Variants in GAPVD1 observed in about 807,000 individuals in gnomAD.
GAPVD1 encodes GTPase activating protein and VPS9 domains 1, also known as GTPase-activating protein and VPS9 domain-containing protein 1.
A neutral mutation model predicts 155.5 loss-of-function variants in GAPVD1; 35 were observed. The observed-to-expected ratio is 0.23, with a 90% CI of 0.17 to 0.30. The LOEUF is 0.30. Ranked by LOEUF, GAPVD1 falls within the 10% of genes least tolerant of loss-of-function variation. The pLI, the probability that GAPVD1 is intolerant of heterozygous loss-of-function variation, is 1.00. For synonymous variants in GAPVD1, 636 were observed against 619.7 expected, an observed-to-expected ratio of 1.03 and a Z score of -0.39; for missense variants, 1,429 against 1,775.7, an observed-to-expected ratio of 0.80 and a Z score of 3.51.
chr9:125,321,641 T>A, intron 10 of GAPVD1, 79 bp downstream of exon 10: 2 of 1,287,802 alleles, frequency 1.6e-6, no homozygotes, highest in Non-Finnish European at 2.2e-6. Context: ...GCTTATAAAT[T>A]ATAATTATAC....
rs776841361 is a variant in GAPVD1 at position 125,312,457 on chromosome 9, C to T, written c.1447C>T (p.Arg483Trp). ...NKKNRLPIAT[R>W]SRSRTNMLMD... Reference sequence around the variant, plus strand: ...TATTTGAAATTTTTTATTAGCAACTCGGAGCAGAAGCCGCACCAATATGCT... The same window carrying T: ...TATTTGAAATTTTTTATTAGCAACTTGGAGCAGAAGCCGCACCAATATGCT... The change falls in exon 9 of 28, where the codon CGG becomes TGG. Residue 483 changes from arginine (R) to tryptophan (W), a missense_variant. Coordinates refer to ENST00000297933, the MANE Select transcript of GAPVD1 (RefSeq NM_001282680.3). 9.5e-6 allele frequency: 15 copies of T among 1,575,034 alleles called. No individual in the cohort carries two copies. Among genetic ancestry groups the T allele is most frequent in the Middle Eastern group, 1.7e-4 (1 of 6,016 alleles).
intron 6 of GAPVD1, 120 bp from the exon 7 acceptor site, chr9:125,307,293 T>C: frequency 1.6e-6 from 1 of 643,564 alleles, no homozygotes; most frequent in Middle Eastern, 3.1e-4. Context: ...AAATTCAACA[T>C]CTTAAAAAAA....
intron 9 of GAPVD1, among the ~76,000 whole-genome samples, chr9:125,317,664 AATGGCCTTG>A (rs1317180437): frequency 2.6e-5 from 4 of 151,746 alleles, no homozygotes; most frequent in Non-Finnish European, 4.4e-5. Context: ...AAAGAAAGAA[AATGGCCTTG>A]ATGAAGCACA....
At chr9:125,326,390 A>T (rs1845183532) in intron 11 of GAPVD1, 26 bp from the exon 12 acceptor site, 5 of 1,539,386 alleles carry the variant, frequency 3.2e-6, no homozygotes, top group Non-Finnish European at 3.6e-6. Context: ...TACTATTTTA[A>T]AAGTGCTTAA....
intron 2 of GAPVD1, among the ~76,000 whole-genome samples, chr9:125,275,710 C>A (rs1188520974): frequency 6.6e-6 from 1 of 152,120 alleles, no homozygotes; most frequent in Non-Finnish European, 1.5e-5. Context: ...AAGCTGTGAT[C>A]TAGCCACTGC....
At chr9:125,292,146 A>T (rs1362596551) in intron 2 of GAPVD1, among the ~76,000 whole-genome samples, 1 of 152,016 alleles carries the variant, frequency 6.6e-6, no homozygotes, top group Non-Finnish European at 1.5e-5. Flanking sequence ...CGGAGGTGAG[A>T]GGATTGCTTG....
At position 125,269,511 on chromosome 9, in the gene GAPVD1, T is replaced by A. The variant is rs182856270; in HGVS notation, c.-150+527T>A. On this transcript the variant is annotated intron_variant, in intron 2 of 27. Coordinates refer to ENST00000297933, the MANE Select transcript of GAPVD1 (RefSeq NM_001282680.3). Reference sequence around the variant, plus strand: ...TTTTTGTTCTTGTTTTTTTTTTGAGTTGGAGTCTCGTTCTGTCGCCCAGGC... The same window carrying A: ...TTTTTGTTCTTGTTTTTTTTTTGAGATGGAGTCTCGTTCTGTCGCCCAGGC... Among the ~76,000 whole-genome samples, 15 of 151,766 alleles carry A rather than the reference T, an allele frequency of 9.9e-5. No homozygotes were observed. In the East Asian group the frequency reaches 2.5e-3, roughly 25 times the overall value.
intron 12 of GAPVD1, among the ~76,000 whole-genome samples, chr9:125,327,502 G>GT (rs1845364482): frequency 6.6e-6 from 1 of 151,442 alleles, no homozygotes; most frequent in African/African-American, 2.4e-5. Flanking sequence ...GTTTTTTTTT[G>GT]TTTTTGTTTT....
chr9:125,311,492 C>T (rs2131219581), intron 8 of GAPVD1, among the ~76,000 whole-genome samples: 1 of 152,076 alleles, frequency 6.6e-6, no homozygotes, highest in East Asian at 1.9e-4. Context: ...GTGGTGGTGT[C>T]TGCCTGTAAT....
intron 2 of GAPVD1, among the ~76,000 whole-genome samples, chr9:125,275,039 G>T (rs1835543213): frequency 1.3e-5 from 2 of 151,970 alleles, no homozygotes; most frequent in East Asian, 1.9e-4. Context: ...TTTCTTTTTT[G>T]TTGTTGTTGC....
At chr9:125,362,387 A>G (rs1851067368) in intron 27 of GAPVD1, among the ~76,000 whole-genome samples, 1 of 152,174 alleles carries the variant, frequency 6.6e-6, no homozygotes, top group Admixed American at 6.5e-5. Context: ...AAACCTCTAG[A>G]TAGATTAGCT....
intron 2 of GAPVD1, among the ~76,000 whole-genome samples, chr9:125,290,977 A>G (rs461961): frequency 0.6 from 88,356 of 147,686 alleles, 28,546 homozygotes; most frequent in African/African-American, 0.87. Flanking sequence ...GGGCAACAGC[A>G]AGACCCTGTC....
chr9:125,300,662 G>C (rs1293077319), intron 4 of GAPVD1, among the ~76,000 whole-genome samples: 1 of 152,114 alleles, frequency 6.6e-6, no homozygotes, highest in Non-Finnish European at 1.5e-5. Context: ...CTGGGAAAGG[G>C]CACGTGAAAG....
At position 125,364,708 on chromosome 9, in the gene GAPVD1, C is replaced by G. The variant is rs574014303; in HGVS notation, c.*1962C>G. The G allele has an allele frequency of 6.5e-6, 1 of 152,694 alleles. No homozygotes were observed. Among genetic ancestry groups the G allele is most frequent in the South Asian group, 2.1e-4 (1 of 4,830 alleles). The allele number at this position is 152,694 out of a possible 1,614,324, so 9.5% of individuals were successfully genotyped here. On this transcript the variant is annotated 3_prime_UTR_variant, in exon 28 of 28. Coordinates refer to ENST00000297933, the MANE Select transcript of GAPVD1 (RefSeq NM_001282680.3). ...CCTTTTGAATGTTAGGTCAAGAAAT[C>G]CATGTACAGAGTCGTGCACTTCATT...
rs758379892 is a variant in GAPVD1, at chr9:125,346,713, T to C, written c.3047-106T>C. 9.0e-6 allele frequency: 8 copies of C among 888,488 alleles called. No individual in the cohort carries two copies. In the South Asian group the frequency reaches 1.1e-4, roughly 12 times the overall value. The allele number at this position is 888,488 out of a possible 1,614,324, so 55.0% of individuals were successfully genotyped here. ...CATTGAGATATGTGCTCTTTTTAAG[T>C]CTTACCTCCTAATCTGCCTTTGGGA... On this transcript the variant is annotated intron_variant, in intron 19 of 27. Transcript: ENST00000297933.
At chr9:125,338,951 GTGTGTGTA>G (rs1439085514) in intron 17 of GAPVD1, among the ~76,000 whole-genome samples, 20 of 149,434 alleles carry the variant, frequency 1.3e-4, no homozygotes, top group African/African-American at 4.7e-4. Context: ...GTGTGTGTGT[GTGTGTGTA>G]TATATATTTT....
At chr9:125,272,958 C>T (rs191890445) in intron 2 of GAPVD1, among the ~76,000 whole-genome samples, 11 of 152,242 alleles carry the variant, frequency 7.2e-5, no homozygotes, top group East Asian at 3.9e-4. Flanking sequence ...TTTGTGTACC[C>T]GCTGTATTTA....
At chr9:125,313,136 A>G (rs1187719498) in intron 9 of GAPVD1, among the ~76,000 whole-genome samples, 1 of 151,356 alleles carries the variant, frequency 6.6e-6, no homozygotes, top group Non-Finnish European at 1.5e-5. Flanking sequence ...GCTATTTTAT[A>G]AGGGCACTTA....
chr9:125,303,642 G>A (rs1382810140), intron 5 of GAPVD1, among the ~76,000 whole-genome samples: 1 of 152,128 alleles, frequency 6.6e-6, no homozygotes, highest in African/African-American at 2.4e-5. Flanking sequence ...CAGGTGTGGT[G>A]TCACATGCCT....
Sources: allele counts gnomAD v4.1 joint callset (sites outside exome capture counted in the v4.1 genomes callset), GRCh38; gene constraint gnomAD v4.1.1; transcripts MANE v1.5; gene names NCBI Gene and HGNC (gene_info 2026-07-23, HGNC 2026-07-21).